CDH18: variants seen among roughly 807,000 people sequenced by gnomAD.
CDH18 encodes cadherin 18.
In CDH18, 31 loss-of-function variants were observed where a neutral mutation model predicts 67.9. That is an observed-to-expected ratio of 0.46 (90% CI 0.34 to 0.62). The LOEUF is 0.62. Among genes scored for constraint, CDH18 ranks in the 20% least tolerant of loss-of-function variants. The pLI is 0.01. For synonymous variants in CDH18, 362 were observed against 347.2 expected (o/e 1.04, Z -0.48); for missense variants, 890 against 975.5 (o/e 0.91, Z 1.17).
chr5:20,141,281 G>A (rs749473507), intron 2 of CDH18, among the ~76,000 whole-genome samples: 1 of 152,112 alleles, frequency 6.6e-6, no homozygotes, highest in Non-Finnish European at 1.5e-5. Flanking sequence ...AAATTGACTT[G>A]ATGATGCTGC....
chr5:19,505,746 C>G (rs1402410851), intron 10 of CDH18, among the ~76,000 whole-genome samples: 1 of 151,958 alleles, frequency 6.6e-6, no homozygotes, highest in African/African-American at 2.4e-5. Context: ...ATTTTTGTAT[C>G]GATGTTCATC....
intron 2 of CDH18, among the ~76,000 whole-genome samples, chr5:19,859,982 T>G (rs2149973487): frequency 1.3e-5 from 1 of 75,060 alleles, no homozygotes; most frequent in Non-Finnish European, 2.9e-5. Flanking sequence ...TTTACTTGTT[T>G]GCTTTGGGTG....
intron 1 of CDH18, among the ~76,000 whole-genome samples, chr5:20,290,603 A>C (rs1305643464): frequency 6.6e-6 from 1 of 152,188 alleles, no homozygotes; most frequent in Admixed American, 6.5e-5. Flanking sequence ...TTCCAGGATA[A>C]TAATATTTGA....
chr5:20,258,159 C>A (rs1385200087), intron 1 of CDH18, among the ~76,000 whole-genome samples: 2 of 152,110 alleles, frequency 1.3e-5, no homozygotes, highest in African/African-American at 2.4e-5. Context: ...ATATTAGAAT[C>A]TTTTGTTGTA....
intron 1 of CDH18, among the ~76,000 whole-genome samples, chr5:20,387,077 C>T (rs1160238465): frequency 2.0e-5 from 3 of 152,134 alleles, no homozygotes; most frequent in African/African-American, 7.2e-5. Flanking sequence ...ATATCTTCAG[C>T]TTTATGGGTC....
intron 2 of CDH18, among the ~76,000 whole-genome samples, chr5:19,961,155 T>C (rs1302322161): frequency 6.8e-6 from 1 of 147,162 alleles, no homozygotes; most frequent in Non-Finnish European, 1.5e-5. Flanking sequence ...CAGGCTGGAG[T>C]GCAGTGGCGC....
intron 3 of CDH18, among the ~76,000 whole-genome samples, chr5:19,806,765 T>C (rs200253119): frequency 5.3e-5 from 8 of 152,184 alleles, no homozygotes; most frequent in East Asian, 3.9e-4. Context: ...TTAACCTACA[T>C]TTGATTTTCT....
intron 2 of CDH18, among the ~76,000 whole-genome samples, chr5:19,851,337 T>C (rs961230670): frequency 1.3e-5 from 2 of 150,616 alleles, no homozygotes; most frequent in African/African-American, 4.9e-5. Context: ...ATGTTTCTAT[T>C]ATTTGCTCTT....
At chr5:19,839,799 G>A (rs1011149422) in intron 2 of CDH18, among the ~76,000 whole-genome samples, 1 of 152,006 alleles carries the variant, frequency 6.6e-6, no homozygotes, top group African/African-American at 2.4e-5. Flanking sequence ...TCTACCCCGG[G>A]TATGAACTTC....
chr5:20,491,301 T>C (rs947225333), intron 1 of CDH18, among the ~76,000 whole-genome samples: 5 of 151,982 alleles, frequency 3.3e-5, no homozygotes, highest in Admixed American at 6.6e-5. Context: ...AAGCTACCAA[T>C]TGATATTTCC....
At chr5:19,677,354 T>C (rs1580823482) in intron 5 of CDH18, among the ~76,000 whole-genome samples, 1 of 152,012 alleles carries the variant, frequency 6.6e-6, no homozygotes, top group East Asian at 1.9e-4. Flanking sequence ...AAGAAGCAAA[T>C]GCTAACGGAA....
At chr5:19,761,822 T>C (rs537028404) in intron 3 of CDH18, among the ~76,000 whole-genome samples, 5 of 152,156 alleles carry the variant, frequency 3.3e-5, no homozygotes, top group African/African-American at 9.6e-5. Context: ...GGAGGCATCA[T>C]ACTACCTGAC....
intron 10 of CDH18, among the ~76,000 whole-genome samples, chr5:19,516,077 CA>C (rs1216216021): frequency 2.6e-5 from 4 of 151,770 alleles, no homozygotes; most frequent in Non-Finnish European, 4.4e-5. Context: ...TGAATTTTGT[CA>C]AAGGCCTTTC....
At chr5:20,555,850 G>C (rs1015451034) in intron 1 of CDH18, among the ~76,000 whole-genome samples, 1 of 151,512 alleles carries the variant, frequency 6.6e-6, no homozygotes, top group African/African-American at 2.4e-5. Flanking sequence ...AATTCCCAGA[G>C]GTATTTTGCA....
chr5:20,004,377 C>T (rs1350126868), intron 2 of CDH18, among the ~76,000 whole-genome samples: 2 of 152,190 alleles, frequency 1.3e-5, no homozygotes, highest in Admixed American at 6.5e-5. Context: ...CACATGAATG[C>T]TAAAGGAGGT....
At chr5:19,958,686 T>C (rs1561631669) in intron 2 of CDH18, among the ~76,000 whole-genome samples, 1 of 152,110 alleles carries the variant, frequency 6.6e-6, no homozygotes, top group Non-Finnish European at 1.5e-5. Context: ...AAGCCCCAGG[T>C]AACTGACACT....
At chr5:20,189,160 C>T (rs910736729) in intron 2 of CDH18, among the ~76,000 whole-genome samples, 1 of 152,006 alleles carries the variant, frequency 6.6e-6, no homozygotes, top group African/African-American at 2.4e-5. Flanking sequence ...AGTCACTTTG[C>T]CTGTTTTTTA....
chr5:20,199,347 G>T (rs1448823483), intron 2 of CDH18, among the ~76,000 whole-genome samples: 54 of 152,168 alleles, frequency 3.5e-4, no homozygotes, highest in Non-Finnish European at 1.5e-5. Flanking sequence ...TGGAGTCAAA[G>T]GATAATGTTT....
At chr5:20,351,253 T>G (rs1447707182) in intron 1 of CDH18, among the ~76,000 whole-genome samples, 2 of 60,788 alleles carry the variant, frequency 3.3e-5, no homozygotes, top group Non-Finnish European at 5.2e-5. Context: ...TGGGGGTTGT[T>G]TTTTTTTTTT....
Sources: allele counts gnomAD v4.1 joint callset (sites outside exome capture counted in the v4.1 genomes callset), GRCh38; gene constraint gnomAD v4.1.1; transcripts MANE v1.5; gene names NCBI Gene and HGNC (gene_info 2026-07-23, HGNC 2026-07-21).